DMRT1: variants seen among roughly 807,000 people sequenced by gnomAD.
The protein encoded by DMRT1 is doublesex- and mab-3-related transcription factor 1.
In DMRT1, 7 loss-of-function variants were observed where a neutral mutation model predicts 32.3. The observed-to-expected ratio is 0.22, with a 90% CI of 0.12 to 0.41. The LOEUF is 0.41. Among genes scored for constraint, DMRT1 ranks in the 10% least tolerant of loss-of-function variants. The probability of loss-of-function intolerance (pLI) is 1.00; values close to 1 mark genes in which losing one functional copy is unlikely to be tolerated. For missense variants in DMRT1, 625 were observed against 500.5 expected, an observed-to-expected ratio of 1.25 and a Z score of -2.37; for synonymous variants, 278 against 206.1, an observed-to-expected ratio of 1.35 and a Z score of -2.99.
chr9:962,919 A>G (rs1001281854), intron 4 of DMRT1, among the ~76,000 whole-genome samples: 12 of 151,986 alleles, frequency 7.9e-5, no homozygotes, highest in Admixed American at 5.9e-4. Context: ...TGCTCCCCCA[A>G]CCTCTGACAT....
chr9:883,205 G>T (rs1189307484), intron 2 of DMRT1, among the ~76,000 whole-genome samples: 1 of 151,340 alleles, frequency 6.6e-6, no homozygotes, highest in Non-Finnish European at 1.5e-5. Context: ...GGTTCACTTT[G>T]CTATGAAAAG....
intron 3 of DMRT1, 138 bp downstream of exon 3, chr9:894,333 CACAT>C (rs1463886285): frequency 4.4e-6 from 4 of 915,816 alleles, no homozygotes; most frequent in African/African-American, 3.3e-5. Context: ...CAGGTACACA[CACAT>C]ATGTGTGTGT....
chr9:933,440 A>G (rs1818789581), intron 4 of DMRT1, among the ~76,000 whole-genome samples: 1 of 152,224 alleles, frequency 6.6e-6, no homozygotes, highest in Non-Finnish European at 1.5e-5. Flanking sequence ...AGCAAAAACC[A>G]CTGACCCTAT....
chr9:945,773 C>T (rs1321922704), intron 4 of DMRT1, among the ~76,000 whole-genome samples: 2 of 143,614 alleles, frequency 1.4e-5, no homozygotes, highest in African/African-American at 2.6e-5. Flanking sequence ...GTAATCTTGG[C>T]GTAATACAGT....
At chr9:908,541 T>C (rs191770455) in intron 3 of DMRT1, among the ~76,000 whole-genome samples, 10 of 152,214 alleles carry the variant, frequency 6.6e-5, no homozygotes, top group African/African-American at 2.4e-4. Flanking sequence ...AGGGCTTGCT[T>C]TATATCCTTG....
chr9:873,267 T>C (rs1816351250), intron 2 of DMRT1, among the ~76,000 whole-genome samples: 1 of 152,184 alleles, frequency 6.6e-6, no homozygotes, highest in East Asian at 1.9e-4. Context: ...GTTTTTTTTG[T>C]TTGTTTTTTT....
intron 2 of DMRT1, among the ~76,000 whole-genome samples, chr9:882,711 GATTT>G (rs1433956901): frequency 1.4e-5 from 2 of 147,646 alleles, no homozygotes; most frequent in African/African-American, 5.0e-5. Context: ...CTTCCTGCTT[GATTT>G]CTTTGATCTG....
intron 4 of DMRT1, among the ~76,000 whole-genome samples, chr9:938,297 T>C (rs1341046216): frequency 6.6e-6 from 1 of 152,220 alleles, no homozygotes; most frequent in East Asian, 1.9e-4. Flanking sequence ...TGGGTTTTTC[T>C]ATTTATGCAA....
rs374916108 is a variant in DMRT1 at position 846,547 on chromosome 9, A to G, written c.355-413A>G. On this transcript the variant is annotated intron_variant, in intron 1 of 4. Transcript: ENST00000382276. Reference sequence around the variant, plus strand: ...GTTTTTTCCTGATCCTCCCTAGCCAATCTTATTCTACACAGTCATTTGTTT... The same window carrying G: ...GTTTTTTCCTGATCCTCCCTAGCCAGTCTTATTCTACACAGTCATTTGTTT... 2.0e-4 allele frequency among the ~76,000 whole-genome samples: 31 copies of G among 152,066 alleles called. No individual in the cohort carries two copies. The East Asian group carries it at 5.8e-3, about 29-fold the overall frequency.
rs1554739423 is a variant in DMRT1 at position 842,230 on chromosome 9, G to GGTTTTTTTTTT, written c.354+38_354+39insGTTTTTTTTTT. ...GTGCGGGAGCCCGGGTTCAGCCTTAGTTTTTTTTTTTTTTTTTTTTTTTAG... is the reference window on the plus strand; with the variant it reads ...GTGCGGGAGCCCGGGTTCAGCCTTAGGTTTTTTTTTTTTTTTTTTTTTTTTTTTTTTTTTAG... On this transcript the variant is annotated intron_variant, in intron 1 of 4. Transcript: ENST00000382276. 6 of 1,267,132 alleles carry GGTTTTTTTTTT rather than the reference G, an allele frequency of 4.7e-6. No individual in the cohort carries two copies. The African/African-American group carries it at 1.3e-4, about 27-fold the overall frequency. The allele number at this position is 1,267,132 out of a possible 1,614,324, so 78.5% of individuals were successfully genotyped here.
chr9:959,734 G>GC (rs56827634), intron 4 of DMRT1, among the ~76,000 whole-genome samples: 114,371 of 151,838 alleles, frequency 0.75, 43,306 homozygotes, highest in Middle Eastern at 0.83. Flanking sequence ...TGCCATGTTG[G>GC]CCAGGCTCGT....
chr9:953,150 A>G (rs918329034), intron 4 of DMRT1, among the ~76,000 whole-genome samples: 4 of 152,212 alleles, frequency 2.6e-5, no homozygotes, highest in Admixed American at 2.0e-4. Flanking sequence ...ACGTGGAGTC[A>G]AGCTTACTTA....
chr9:883,649 G>A (rs192051462), intron 2 of DMRT1, among the ~76,000 whole-genome samples: 8 of 151,462 alleles, frequency 5.3e-5, no homozygotes, highest in South Asian at 2.1e-4. Context: ...AAAAATTGCC[G>A]TGTATGGTGG....
chr9:954,010 AG>A (rs1163393384), intron 4 of DMRT1, among the ~76,000 whole-genome samples: 3 of 152,000 alleles, frequency 2.0e-5, no homozygotes, highest in Non-Finnish European at 4.4e-5. Context: ...GGATTAGAGG[AG>A]GTTGGCATTT....
At chr9:934,063 G>A (rs541053980) in intron 4 of DMRT1, among the ~76,000 whole-genome samples, 2 of 151,974 alleles carry the variant, frequency 1.3e-5, no homozygotes, top group Non-Finnish European at 2.9e-5. Context: ...AACTCAGCTA[G>A]AACTTGGTTG....
At chr9:943,270 C>T (rs1302239643) in intron 4 of DMRT1, among the ~76,000 whole-genome samples, 4 of 152,194 alleles carry the variant, frequency 2.6e-5, no homozygotes, top group Non-Finnish European at 4.4e-5. Flanking sequence ...ACCTTCCCAT[C>T]GGCCCTTATC....
chr9:878,974 C>T lies in DMRT1; in HGVS notation c.539-14938C>T, dbSNP rs751559821. 7.2e-4 allele frequency among the ~76,000 whole-genome samples: 109 copies of T among 152,102 alleles called. 2 individuals carry two copies. The highest frequency in any genetic ancestry group is 1.2e-4 in the Non-Finnish European group (8 of 68,018). ...GTGCTCTCAACCTGAAGTTGTGCTG[C>T]CTGGCCATATTGTGTCATTCTTAAT... On this transcript the variant is annotated intron_variant, in intron 2 of 4. Coordinates refer to ENST00000382276, the MANE Select transcript of DMRT1 (RefSeq NM_021951.3).
At chr9:934,060 C>A (rs867386013) in intron 4 of DMRT1, among the ~76,000 whole-genome samples, 7 of 151,900 alleles carry the variant, frequency 4.6e-5, no homozygotes, top group South Asian at 2.1e-4. Context: ...AGTAACTCAG[C>A]TAGAACTTGG....
At chr9:921,270 T>G (rs1347434840) in intron 4 of DMRT1, among the ~76,000 whole-genome samples, 2 of 152,202 alleles carry the variant, frequency 1.3e-5, no homozygotes, top group East Asian at 3.9e-4. Flanking sequence ...TTGCTTCGCT[T>G]AGCTTAAATG....
Sources: gnomAD v4.1 joint callset for allele counts (sites outside exome capture counted in the v4.1 genomes callset) on GRCh38, gnomAD v4.1.1 for gene constraint, MANE v1.5 for transcripts, NCBI Gene and HGNC (gene_info 2026-07-23, HGNC 2026-07-21) for gene names.